The following ZBTB20 variants were observed in gnomAD, a reference collection of about 807,000 sequenced individuals.
ZBTB20 encodes zinc finger and BTB domain-containing protein 20.
In ZBTB20, 9 loss-of-function variants were observed where a neutral mutation model predicts 56.9. The observed-to-expected ratio is 0.16, with a 90% CI of 0.10 to 0.28. The LOEUF (loss-of-function observed/expected upper bound fraction) is 0.28, where lower values mean the gene tolerates loss of function less well. Among genes scored for constraint, ZBTB20 ranks in the 10% least tolerant of loss-of-function variants. The probability of loss-of-function intolerance (pLI) is 1.00; values close to 1 mark genes in which losing one functional copy is unlikely to be tolerated. For missense variants in ZBTB20, 655 were observed against 1,003.0 expected (o/e 0.65, Z 4.69); for synonymous variants, 417 against 420.7 (o/e 0.99, Z 0.11).
intron 1 of ZBTB20, among the ~76,000 whole-genome samples, chr3:115,071,635 G>A (rs2082412281): frequency 1.3e-5 from 2 of 152,180 alleles, no homozygotes; most frequent in African/African-American, 2.4e-5. Context: ...ATAGACGTCA[G>A]TGAAGTTCAA....
chr3:115,026,100 G>A (rs754959033), intron 2 of ZBTB20, among the ~76,000 whole-genome samples: 14 of 150,880 alleles, frequency 9.3e-5, no homozygotes, highest in Non-Finnish European at 1.5e-4. Context: ...GAGAGACACT[G>A]AAGACCCAGA....
intron 2 of ZBTB20, among the ~76,000 whole-genome samples, chr3:115,017,771 G>A (rs529092310): frequency 6.6e-6 from 1 of 151,562 alleles, no homozygotes; most frequent in East Asian, 2.0e-4. Context: ...CATTGTGCTG[G>A]AATTGGAGAT....
intron 5 of ZBTB20, among the ~76,000 whole-genome samples, chr3:114,775,541 CAA>C (rs947774850): frequency 2.4e-4 from 29 of 118,644 alleles, no homozygotes; most frequent in Admixed American, 2.6e-4. Context: ...GGGCTTTTGG[CAA>C]AAAAAAAAAA....
intron 5 of ZBTB20, among the ~76,000 whole-genome samples, chr3:114,733,446 G>C (rs1217677939): frequency 6.6e-6 from 1 of 152,146 alleles, no homozygotes; most frequent in Admixed American, 6.6e-5. Flanking sequence ...TATTTGATCT[G>C]ATTTTTCATC....
At chr3:114,829,859 C>A (rs1261040242) in intron 4 of ZBTB20, among the ~76,000 whole-genome samples, 1 of 151,714 alleles carries the variant, frequency 6.6e-6, no homozygotes, top group Non-Finnish European at 1.5e-5. Flanking sequence ...CATAAAGGAT[C>A]TGTATATCAT....
chr3:114,415,138 A>C (rs905768116), intron 7 of ZBTB20, among the ~76,000 whole-genome samples: 9 of 152,142 alleles, frequency 5.9e-5, no homozygotes, highest in Admixed American at 2.0e-4. Flanking sequence ...TCCTCTAAGC[A>C]GAATTTCCTT....
intron 7 of ZBTB20, among the ~76,000 whole-genome samples, chr3:114,463,789 T>C (rs1460280348): frequency 3.9e-5 from 6 of 152,214 alleles, no homozygotes; most frequent in Non-Finnish European, 8.8e-5. Flanking sequence ...TTGCCCAAAC[T>C]TTGTTAACCA....
chr3:115,003,828 G>A (rs1375123142), intron 2 of ZBTB20, among the ~76,000 whole-genome samples: 1 of 151,552 alleles, frequency 6.6e-6, no homozygotes, highest in East Asian at 2.0e-4. Context: ...GAACAATCAG[G>A]TGGTTTGAAT....
chr3:114,340,515 A>G (rs1412296653), intron 11 of ZBTB20, among the ~76,000 whole-genome samples: 2 of 152,182 alleles, frequency 1.3e-5, no homozygotes, highest in Non-Finnish European at 2.9e-5. Context: ...CAAATGATCA[A>G]GTTTGTTACA....
chr3:114,387,876 T>G (rs2085350665), intron 8 of ZBTB20: 1 of 152,184 alleles, frequency 6.6e-6, no homozygotes, highest in South Asian at 2.1e-4. Flanking sequence ...ATAGAACACA[T>G]TCCCCTCCGG....
intron 7 of ZBTB20, among the ~76,000 whole-genome samples, chr3:114,448,839 A>G (rs1335876279): frequency 1.3e-5 from 2 of 152,188 alleles, no homozygotes; most frequent in African/African-American, 4.8e-5. Context: ...AAAATAAAAT[A>G]TAATGAATTA....
intron 6 of ZBTB20, chr3:114,528,880 A>G (rs1480395197): frequency 6.6e-6 from 1 of 152,216 alleles, no homozygotes; most frequent in Non-Finnish European, 1.5e-5. Flanking sequence ...ACTGTTAAGA[A>G]GCTGATGTTG....
chr3:114,399,020 T>C (rs916082678), intron 7 of ZBTB20, among the ~76,000 whole-genome samples: 2 of 152,140 alleles, frequency 1.3e-5, no homozygotes, highest in African/African-American at 2.4e-5. Context: ...GCAGGTTGTC[T>C]CGGGCTAGTG....
At chr3:115,066,072 C>A (rs1270928646) in intron 2 of ZBTB20, among the ~76,000 whole-genome samples, 1 of 152,166 alleles carries the variant, frequency 6.6e-6, no homozygotes, top group Non-Finnish European at 1.5e-5. Flanking sequence ...AACTCATTCC[C>A]CTTATTCAGC....
intron 1 of ZBTB20, among the ~76,000 whole-genome samples, chr3:115,087,297 C>G (rs1235061128): frequency 1.3e-5 from 2 of 151,798 alleles, no homozygotes; most frequent in Non-Finnish European, 2.9e-5. Context: ...TAGAACTCTG[C>G]CATGAGCTCA....
rs2078826095 is a variant in ZBTB20 at position 114,319,760 on chromosome 3, A to G, written c.*19245T>C. The G allele has an allele frequency of 6.6e-6, 1 of 152,174 alleles. No homozygotes were observed. The highest frequency in any genetic ancestry group is 2.4e-5 in the African/African-American group (1 of 41,420). 9.4% of individuals were successfully genotyped at this position (152,174 alleles called of 1,614,324 possible). ...GAAGTCAGAGGACTGAAGCGTGTCC[A>G]TGTGTGTACTGTACACATACATCTT... On this transcript the variant is annotated 3_prime_UTR_variant, in exon 12 of 12. Coordinates refer to ENST00000675478, the MANE Select transcript of ZBTB20 (RefSeq NM_001348800.3).
At chr3:114,498,716 T>C (rs1028029116) in intron 7 of ZBTB20, among the ~76,000 whole-genome samples, 4 of 152,212 alleles carry the variant, frequency 2.6e-5, no homozygotes, top group South Asian at 2.1e-4. Context: ...AAAAATAGGA[T>C]ATCTCTAGAA....
intron 3 of ZBTB20, among the ~76,000 whole-genome samples, chr3:114,922,506 G>T (rs2075997851): frequency 6.6e-6 from 1 of 152,142 alleles, no homozygotes; most frequent in South Asian, 2.1e-4. Flanking sequence ...ACAAAAATTA[G>T]TTGCAGTTCC....
chr3:114,380,850 G>C lies in ZBTB20; in HGVS notation c.-63C>G. ...GGGAGGAGCACTGGACTGGGAGTCAGGAGACTTGAGCTACCGTACTAGCTG... is the reference window on the plus strand; with the variant it reads ...GGGAGGAGCACTGGACTGGGAGTCACGAGACTTGAGCTACCGTACTAGCTG... On this transcript the variant is annotated 5_prime_UTR_variant, in exon 9 of 12. Coordinates refer to ENST00000675478, the MANE Select transcript of ZBTB20 (RefSeq NM_001348800.3). The C allele has an allele frequency of 7.0e-7, 1 of 1,418,704 alleles. No homozygotes were observed. The highest frequency in any genetic ancestry group is 1.6e-5 in the South Asian group (1 of 64,050). 87.9% of individuals were successfully genotyped at this position (1,418,704 alleles called of 1,614,324 possible).
Sources: gnomAD v4.1 joint callset for allele counts (sites outside exome capture counted in the v4.1 genomes callset) on GRCh38, gnomAD v4.1.1 for gene constraint, MANE v1.5 for transcripts, NCBI Gene and HGNC (gene_info 2026-07-23, HGNC 2026-07-21) for gene names.